Variants in SH3GL2 observed in about 807,000 individuals in gnomAD.
SH3GL2 encodes the protein endophilin-A1.
A neutral mutation model predicts 46.0 loss-of-function variants in SH3GL2; 24 were observed. That is an observed-to-expected ratio of 0.52 (90% CI 0.38 to 0.73). SH3GL2 has a LOEUF of 0.73. SH3GL2 is among the 30% of genes least tolerant of loss of function. The pLI is 0.00. For missense variants in SH3GL2, 413 were observed against 424.2 expected (o/e 0.97, Z 0.23); for synonymous variants, 196 against 147.1 (o/e 1.33, Z -2.40).
chr9:17,648,381 T>C (rs1407259108), intron 1 of SH3GL2, among the ~76,000 whole-genome samples: 2 of 152,148 alleles, frequency 1.3e-5, no homozygotes, highest in East Asian at 1.9e-4. Context: ...CAAAGGTACA[T>C]AGGAAGAGTA....
intron 1 of SH3GL2, among the ~76,000 whole-genome samples, chr9:17,700,632 C>G (rs965392020): frequency 1.3e-5 from 2 of 152,040 alleles, no homozygotes; most frequent in African/African-American, 4.8e-5. Context: ...GTATTTTACC[C>G]TTATTCTTTA....
At chr9:17,589,108 A>G (rs1818432018) in intron 1 of SH3GL2, 2 of 152,234 alleles carry the variant, frequency 1.3e-5, no homozygotes, top group Non-Finnish European at 2.9e-5. Flanking sequence ...CATACACAAC[A>G]TACATATGCA....
chr9:17,585,045 G>T lies in SH3GL2; in HGVS notation c.45+5758G>T, dbSNP rs1818347577. On this transcript the variant is annotated intron_variant, in intron 1 of 8. Transcript: ENST00000380607. ...GGCAAATGGTGACTGTTTTGAGACA[G>T]ATGTCATTGTGGAAGGGAGAGGTTT... Among the ~76,000 whole-genome samples, 4 of 152,290 alleles carry T rather than the reference G, an allele frequency of 2.6e-5. No individual in the cohort carries two copies. In the South Asian group the frequency reaches 8.3e-4, roughly 32 times the overall value.
chr9:17,631,373 C>T (rs1396758927), intron 1 of SH3GL2, among the ~76,000 whole-genome samples: 1 of 152,178 alleles, frequency 6.6e-6, no homozygotes, highest in Non-Finnish European at 1.5e-5. Context: ...CCCTCTTGCT[C>T]AGGCATAGGG....
At chr9:17,631,188 A>G (rs975697) in intron 1 of SH3GL2, among the ~76,000 whole-genome samples, 132,912 of 152,196 alleles carry the variant, frequency 0.87, 59,639 homozygotes, top group East Asian at 1. Flanking sequence ...TCACATTTGT[A>G]GGCTTGTTTC....
intron 1 of SH3GL2, among the ~76,000 whole-genome samples, chr9:17,586,387 TA>T (rs1324127045): frequency 2.0e-5 from 3 of 152,178 alleles, no homozygotes; most frequent in Admixed American, 6.5e-5. Context: ...ATGATATATA[TA>T]AAAAATAGAA....
At chr9:17,627,229 T>C (rs1160800812) in intron 1 of SH3GL2, among the ~76,000 whole-genome samples, 1 of 152,174 alleles carries the variant, frequency 6.6e-6, no homozygotes, top group Non-Finnish European at 1.5e-5. Context: ...CCTGTCCTGT[T>C]CCCTGTTTTC....
chr9:17,637,712 A>G (rs1252426619), intron 1 of SH3GL2, among the ~76,000 whole-genome samples: 1 of 152,242 alleles, frequency 6.6e-6, no homozygotes, highest in African/African-American at 2.4e-5. Context: ...TAATAACCTC[A>G]GAAGTTATTA....
chr9:17,696,400 AC>A (rs1201116340), intron 1 of SH3GL2, among the ~76,000 whole-genome samples: 2 of 152,188 alleles, frequency 1.3e-5, no homozygotes, highest in African/African-American at 4.8e-5. Flanking sequence ...TAATCACTTT[AC>A]TACTATGGTA....
At chr9:17,764,234 A>G (rs1823257299) in intron 3 of SH3GL2, among the ~76,000 whole-genome samples, 1 of 152,178 alleles carries the variant, frequency 6.6e-6, no homozygotes, top group Non-Finnish European at 1.5e-5. Flanking sequence ...CCAGAACAAA[A>G]CGAAAATTTT....
At chr9:17,780,341 G>T (rs963218668) in intron 3 of SH3GL2, among the ~76,000 whole-genome samples, 2 of 151,738 alleles carry the variant, frequency 1.3e-5, no homozygotes, top group African/African-American at 4.8e-5. Flanking sequence ...CTTTCTATTT[G>T]TCCTACTTCT....
chr9:17,738,252 T>C (rs112178059), intron 1 of SH3GL2, among the ~76,000 whole-genome samples: 26 of 152,052 alleles, frequency 1.7e-4, no homozygotes, highest in African/African-American at 6.0e-4. Context: ...TCTTTTTTTC[T>C]GAAGAATGGA....
intron 2 of SH3GL2, among the ~76,000 whole-genome samples, chr9:17,751,554 A>G (rs778855809): frequency 5.4e-5 from 8 of 148,482 alleles, no homozygotes; most frequent in Non-Finnish European, 1.2e-4. Context: ...CCCATGTTTG[A>G]CCCCCTTGTT....
rs1478096810 is a variant in SH3GL2, at chr9:17,776,378, A to G, written c.188-10003A>G. 5.3e-5 allele frequency among the ~76,000 whole-genome samples: 8 copies of G among 152,182 alleles called. No individual in the cohort carries two copies. The South Asian group carries it at 1.5e-3, about 28-fold the overall frequency. On this transcript the variant is annotated intron_variant, in intron 3 of 8. Transcript: ENST00000380607. The stretch of plus-strand genomic sequence containing the variant: ...TCCTTGGGACTAAACCCCCTTAGAA[A>G]ACACCGCTTTTGCCTAGCCCTCAGA...
At chr9:17,580,911 A>G (rs1818265872) in intron 1 of SH3GL2, among the ~76,000 whole-genome samples, 1 of 152,250 alleles carries the variant, frequency 6.6e-6, no homozygotes, top group South Asian at 2.1e-4. Context: ...AAGGCAATTA[A>G]GAGTCTTGGC....
Position 17,700,141 on chromosome 9 carries a change from C to T in SH3GL2, c.46-46925C>T, listed in dbSNP as rs141535434. Among the ~76,000 whole-genome samples, 488 of 152,256 alleles carry T rather than the reference C, an allele frequency of 3.2e-3. 3 individuals carry two copies. The highest frequency in any genetic ancestry group is 0.011 in the African/African-American group (476 of 41,538). On this transcript the variant is annotated intron_variant, in intron 1 of 8. Transcript: ENST00000380607. ...CATTATCTCTAGAGAACTTGGGTTC[C>T]TCTGGTATTCAGGATCCATCTGCTA...
intron 3 of SH3GL2, among the ~76,000 whole-genome samples, chr9:17,762,807 C>T (rs1376487794): frequency 1.3e-5 from 2 of 152,174 alleles, no homozygotes; most frequent in Admixed American, 1.3e-4. Context: ...CACAGAGATG[C>T]AAAGATCTCT....
At chr9:17,589,027 A>C (rs1446339220) in intron 1 of SH3GL2, 1 of 152,154 alleles carries the variant, frequency 6.6e-6, no homozygotes, top group African/African-American at 2.4e-5. Context: ...ATAATTAATT[A>C]ATTGTGTGTC....
chr9:17,690,053 G>A (rs184084523), intron 1 of SH3GL2, among the ~76,000 whole-genome samples: 3 of 152,158 alleles, frequency 2.0e-5, no homozygotes, highest in East Asian at 3.9e-4. Flanking sequence ...CGCACATTCT[G>A]TGTGACTCTT....
Sources: allele counts gnomAD v4.1 joint callset (sites outside exome capture counted in the v4.1 genomes callset), GRCh38; gene constraint gnomAD v4.1.1; transcripts MANE v1.5; gene names NCBI Gene and HGNC (gene_info 2026-07-23, HGNC 2026-07-21).